Variants in TNFRSF11A observed in about 807,000 individuals in gnomAD.
TNFRSF11A encodes TNF receptor superfamily member 11a.
A neutral mutation model predicts 55.7 loss-of-function variants in TNFRSF11A; 32 were observed. That is an observed-to-expected ratio of 0.57 (90% CI 0.43 to 0.77). The LOEUF (loss-of-function observed/expected upper bound fraction) is 0.77. TNFRSF11A is among the 30% of genes least tolerant of loss of function. The pLI, the probability that TNFRSF11A is intolerant of heterozygous loss-of-function variation, is 0.00. For synonymous variants in TNFRSF11A, 311 were observed against 331.0 expected (o/e 0.94, Z 0.65); for missense variants, 753 against 809.8 (o/e 0.93, Z 0.85).
chr18:62,370,975 GCATGCCACCACAC>G, intron 9 of TNFRSF11A, among the ~76,000 whole-genome samples: 1 of 152,128 alleles, frequency 6.6e-6, no homozygotes, highest in African/African-American at 2.4e-5. Context: ...GACTATAGGC[GCATGCCACCACAC>G]CATGCTAATT....
intron 4 of TNFRSF11A, among the ~76,000 whole-genome samples, chr18:62,356,966 T>C (rs1402777438): frequency 6.6e-6 from 1 of 152,192 alleles, no homozygotes; most frequent in East Asian, 1.9e-4. Context: ...CTCTTCGATT[T>C]TGAGGGCTTC....
rs1392139039 is a variant in TNFRSF11A, at chr18:62,388,991, AG to A, written c.*3958del. 6.6e-6 allele frequency: 1 copy of A among 152,344 alleles called. No individual in the cohort carries two copies. 9.4% of individuals were successfully genotyped at this position (152,344 alleles called of 1,614,324 possible). On this transcript the variant is annotated 3_prime_UTR_variant, in exon 10 of 10. Coordinates refer to ENST00000586569, the MANE Select transcript of TNFRSF11A (RefSeq NM_003839.4). ...AGTTTTGAGTTGTTTGCTCTTTGAC[AG>A]TCTCTGATGGCATGTGAGTCTGGTG...
rs1469020393 is a variant in TNFRSF11A at position 62,384,869 on chromosome 18, T to A, written c.1686T>A (p.Ala562=). 1.2e-6 allele frequency: 2 copies of A among 1,600,760 alleles called. No individual in the cohort carries two copies. The highest frequency in any genetic ancestry group is 2.3e-5 in the South Asian group (2 of 88,724). Residue 562 remains alanine (A), a synonymous_variant, in exon 10 of 10, where the codon GCT becomes GCA. Coordinates refer to ENST00000586569, the MANE Select transcript of TNFRSF11A (RefSeq NM_003839.4). Reference sequence around the variant, plus strand: ...CCTCGCAGGAGGGCGCGGCGGCGGCTGCGGAGCCCATGGGCCGCCCGGTGC... The same window carrying A: ...CCTCGCAGGAGGGCGCGGCGGCGGCAGCGGAGCCCATGGGCCGCCCGGTGC... The part of the protein sequence containing the change: ...SQTSQEGAAA[A]AEPMGRPVQE...
intron 1 of TNFRSF11A, among the ~76,000 whole-genome samples, chr18:62,342,129 G>A (rs1056089360): frequency 6.6e-6 from 1 of 151,764 alleles, no homozygotes; most frequent in Non-Finnish European, 1.5e-5. Context: ...GACTGGGTGT[G>A]GTGTCTCACG....
intron 9 of TNFRSF11A, among the ~76,000 whole-genome samples, chr18:62,373,313 G>C (rs949467303): frequency 1.3e-5 from 2 of 152,180 alleles, no homozygotes; most frequent in African/African-American, 4.8e-5. Context: ...AAAAAAATTA[G>C]CTGGGCATGG....
At chr18:62,359,466 A>G (rs961005280) in intron 5 of TNFRSF11A, among the ~76,000 whole-genome samples, 3 of 151,814 alleles carry the variant, frequency 2.0e-5, no homozygotes, top group African/African-American at 7.3e-5. Context: ...TGCACCTTCA[A>G]CCTCCTGGGC....
chr18:62,359,531 A>G (rs1909515782), intron 5 of TNFRSF11A, among the ~76,000 whole-genome samples: 1 of 151,912 alleles, frequency 6.6e-6, no homozygotes, highest in African/African-American at 2.4e-5. Flanking sequence ...AGGCACGTAC[A>G]CCGCACCCAG....
chr18:62,362,257 G>A (rs1486294764), intron 7 of TNFRSF11A, among the ~76,000 whole-genome samples: 5 of 152,036 alleles, frequency 3.3e-5, no homozygotes, highest in Non-Finnish European at 5.9e-5. Context: ...TTGAGAGGCC[G>A]AGGCAGGTGG....
chr18:62,384,133 C>T (rs1358475080), intron 9 of TNFRSF11A, among the ~76,000 whole-genome samples: 2 of 152,122 alleles, frequency 1.3e-5, no homozygotes. Context: ...GTCTGTGATT[C>T]TGTAATCTTG....
chr18:62,367,833 A>G (rs1196490029), intron 8 of TNFRSF11A, among the ~76,000 whole-genome samples: 1 of 118,076 alleles, frequency 8.5e-6, no homozygotes, highest in Non-Finnish European at 1.6e-5. Context: ...TCACTCTCTC[A>G]TCCAGGCTTG....
intron 9 of TNFRSF11A, among the ~76,000 whole-genome samples, chr18:62,374,807 G>T (rs529853778): frequency 1.3e-5 from 2 of 152,232 alleles, no homozygotes; most frequent in South Asian, 2.1e-4. Flanking sequence ...CATTGTTTCT[G>T]TTGACTTACT....
chr18:62,370,563 GT>G (rs1568491596), intron 9 of TNFRSF11A, among the ~76,000 whole-genome samples: 1 of 152,140 alleles, frequency 6.6e-6, no homozygotes, highest in Non-Finnish European at 1.5e-5. Flanking sequence ...GTTTTGCCTC[GT>G]GGGAATGATG....
chr18:62,357,727 T>C (rs1023011644), intron 4 of TNFRSF11A, among the ~76,000 whole-genome samples: 6 of 152,188 alleles, frequency 3.9e-5, no homozygotes, highest in African/African-American at 1.4e-4. Context: ...GTTGACACTC[T>C]GATATTTGGA....
In TNFRSF11A at chr18:62,384,971, G is replaced by C. The variant is rs1476789172; in HGVS notation, c.1788G>C (p.Glu596Asp). 2.0e-6 allele frequency: 3 copies of C among 1,473,978 alleles called. No homozygotes were observed. In the African/African-American group the frequency reaches 4.4e-5, roughly 22 times the overall value. The allele number at this position is 1,473,978 out of a possible 1,614,324, so 91.3% of individuals were successfully genotyped here. Residue 596 changes from glutamate to aspartate, a missense_variant, in exon 10 of 10, where the codon GAG (glutamate) becomes GAC (aspartate). Coordinates refer to ENST00000586569, the MANE Select transcript of TNFRSF11A (RefSeq NM_003839.4). ...TCCCGGACCCGTGCGGCGGCCCCGAGGGGCTGCGGGAGCCGGAGAAGGCCT... is the reference window on the plus strand; with the variant it reads ...TCCCGGACCCGTGCGGCGGCCCCGACGGGCTGCGGGAGCCGGAGAAGGCCT... ...PRFPDPCGGP[E>D]GLREPEKASR...
rs1911580070 is a variant in TNFRSF11A, at chr18:62,384,871, C to T, written c.1688C>T (p.Ala563Val). The T allele has an allele frequency of 6.3e-7, 1 of 1,599,424 alleles. No individual in the cohort carries two copies. Residue 563 changes from alanine to valine, a missense_variant, in exon 10 of 10, where the codon GCG (alanine) becomes GTG (valine). Ala to Val is a moderately conservative substitution (Grantham distance 64). Coordinates refer to ENST00000586569, the MANE Select transcript of TNFRSF11A (RefSeq NM_003839.4). ...QTSQEGAAAA[A>V]EPMGRPVQEE... The stretch of plus-strand genomic sequence containing the variant: ...TCGCAGGAGGGCGCGGCGGCGGCTG[C>T]GGAGCCCATGGGCCGCCCGGTGCAG...
intron 7 of TNFRSF11A, among the ~76,000 whole-genome samples, chr18:62,365,083 C>A (rs1007952324): frequency 2.0e-5 from 3 of 152,176 alleles, no homozygotes; most frequent in Admixed American, 6.6e-5. Context: ...ACCTCAGCCC[C>A]CCAAGTAGCT....
intron 7 of TNFRSF11A, among the ~76,000 whole-genome samples, chr18:62,362,671 A>G (rs2145334933): frequency 6.6e-6 from 1 of 152,218 alleles, no homozygotes; most frequent in Admixed American, 6.5e-5. Context: ...GTAGACTACA[A>G]AGCTAAAAAT....
Position 62,368,781 on chromosome 18 carries a change from G to C in TNFRSF11A, c.864G>C (p.Leu288=). ...QQGACEGVLL[L]TLEEKTFPED... ...GAGCATGTGAAGGTGTCTTACTGCT[G>C]ACTCTGGAGGAGAAGACATTTCCAG... Residue 288 remains leucine, a synonymous_variant, in exon 9 of 10, where the codon CTG becomes CTC. Coordinates refer to ENST00000586569, the MANE Select transcript of TNFRSF11A (RefSeq NM_003839.4). The C allele has an allele frequency of 1.2e-6, 2 of 1,614,226 alleles. No individual in the cohort carries two copies. The highest frequency in any genetic ancestry group is 1.7e-6 in the Non-Finnish European group (2 of 1,180,052).
chr18:62,356,082 C>A (rs1465778249), intron 4 of TNFRSF11A, among the ~76,000 whole-genome samples: 1 of 152,182 alleles, frequency 6.6e-6, no homozygotes, highest in Non-Finnish European at 1.5e-5. Flanking sequence ...AAAAGTATTT[C>A]TTAGAGTAAT....
Sources: allele counts gnomAD v4.1 joint callset (sites outside exome capture counted in the v4.1 genomes callset), GRCh38; gene constraint gnomAD v4.1.1; transcripts MANE v1.5; gene names NCBI Gene and HGNC (gene_info 2026-07-23, HGNC 2026-07-21).